Variants in RAB15 observed in about 807,000 individuals in gnomAD.
RAB15 encodes the protein ras-related protein Rab-15.
In RAB15, 13 loss-of-function variants were observed where a neutral mutation model predicts 31.8. That is an observed-to-expected ratio of 0.41 (90% confidence interval 0.27 to 0.65). The LOEUF is 0.65. Ranked by LOEUF, RAB15 falls within the 30% of genes least tolerant of loss-of-function variation. The pLI is 0.32. For synonymous variants in RAB15, 100 were observed against 105.6 expected (o/e 0.95, Z 0.33); for missense variants, 220 against 277.3 (o/e 0.79, Z 1.47).
intron 1 of RAB15, among the ~76,000 whole-genome samples, chr14:64,957,574 A>C (rs986709075): frequency 6.6e-6 from 1 of 152,156 alleles, no homozygotes; most frequent in African/African-American, 2.4e-5. Context: ...ACCCAGGTGC[A>C]TAGTGCTTGT....
rs1886415505 is a variant in RAB15, at chr14:64,954,170, T to C, written c.125-1599A>G. On this transcript the variant is annotated intron_variant, in intron 1 of 6. Transcript: ENST00000533601. This position sits in a 1 kb window ranked among gnomAD's most constrained non-coding sequence, Gnocchi z 4.3. ...GCCTGCCCAAGCTGATTCATATCCATTGAGCTGTACTTTTCCAAATGGGCA... is the reference window on the plus strand; with the variant it reads ...GCCTGCCCAAGCTGATTCATATCCACTGAGCTGTACTTTTCCAAATGGGCA... The C allele has an allele frequency of 3.0e-6, 3 of 985,444 alleles. No homozygotes were observed. 61.0% of individuals were successfully genotyped at this position (985,444 alleles called of 1,614,324 possible).
chr14:64,972,157 C>T lies in RAB15; in HGVS notation c.-81G>A, dbSNP rs566579238. The stretch of plus-strand genomic sequence containing the variant: ...CGCCGCTGCCATCGCGGCCCGCGCC[C>T]GCCCGGGGACGCTGCGGGCGGCGAG... On this transcript the variant is annotated 5_prime_UTR_variant, in exon 1 of 7. Transcript: ENST00000533601. This position sits in a 1 kb window ranked among gnomAD's most constrained non-coding sequence, Gnocchi z 6.3. The T allele has an allele frequency of 1.2e-3, 1,414 of 1,165,926 alleles. 39 individuals carry two copies. In the East Asian group the frequency reaches 0.048, roughly 39 times the overall value. The allele number at this position is 1,165,926 out of a possible 1,614,324, so 72.2% of individuals were successfully genotyped here. A position where few individuals can be genotyped will look rare whatever the true frequency, so the allele number is the denominator to read the frequency against.
In RAB15 at chr14:64,950,489, G is replaced by A; in HGVS notation, c.325-75C>T. On this transcript the variant is annotated intron_variant, in intron 4 of 6. Transcript: ENST00000533601. This position sits in a 1 kb window ranked among gnomAD's most constrained non-coding sequence, Gnocchi z 5.6. ...CAATTTTCCCTACAGAGTCTGCACTGCCTCCAGCCCACCACCAATTCCAGA... is the reference window on the plus strand; with the variant it reads ...CAATTTTCCCTACAGAGTCTGCACTACCTCCAGCCCACCACCAATTCCAGA... 1.7e-6 allele frequency: 2 copies of A among 1,210,710 alleles called. No homozygotes were observed. Among genetic ancestry groups the A allele is most frequent in the Middle Eastern group, 2.4e-4 (1 of 4,222 alleles). The allele number at this position is 1,210,710 out of a possible 1,614,324, so 75.0% of individuals were successfully genotyped here. A position where few individuals can be genotyped will look rare whatever the true frequency, so the allele number is the denominator to read the frequency against.
intron 1 of RAB15, among the ~76,000 whole-genome samples, chr14:64,966,539 A>G (rs1199582228): frequency 1.3e-5 from 2 of 151,854 alleles, no homozygotes; most frequent in African/African-American, 2.4e-5. Context: ...AAATAAATAA[A>G]TAAATAAATA....
chr14:64,963,726 T>C (rs577241354), intron 1 of RAB15, among the ~76,000 whole-genome samples: 31 of 152,308 alleles, frequency 2.0e-4, no homozygotes, highest in African/African-American at 7.2e-4. Context: ...GGTGTGACCA[T>C]GGTGTGGCCA....
intron 1 of RAB15, among the ~76,000 whole-genome samples, chr14:64,966,060 C>T (rs766475752): frequency 1.1e-4 from 17 of 152,186 alleles, no homozygotes; most frequent in Non-Finnish European, 1.8e-4. Flanking sequence ...CCCACTGCTT[C>T]ACACCTCCTC....
At chr14:64,957,957 T>G (rs1268633522) in intron 1 of RAB15, 2 of 152,280 alleles carry the variant, frequency 1.3e-5, no homozygotes, top group Admixed American at 6.5e-5. Context: ...CTTTTCTCTT[T>G]TTTCTTGACG....
Position 64,953,862 on chromosome 14 carries a change from A to T in RAB15, c.125-1291T>A, listed in dbSNP as rs1886400540. On this transcript the variant is annotated intron_variant, in intron 1 of 6. Transcript: ENST00000533601. This position sits in a 1 kb window ranked among gnomAD's most constrained non-coding sequence, Gnocchi z 4.6. Reference sequence around the variant, plus strand: ...CAGTTTTCAGATGGGAACATGGTAGAGTTCCGAACCGTCTGCCACCAGCTG... The same window carrying T: ...CAGTTTTCAGATGGGAACATGGTAGTGTTCCGAACCGTCTGCCACCAGCTG... The T allele has an allele frequency of 2.0e-6, 2 of 985,386 alleles. No individual in the cohort carries two copies. The highest frequency in any genetic ancestry group is 9.4e-5 in the South Asian group (2 of 21,282). 61.0% of individuals were successfully genotyped at this position (985,386 alleles called of 1,614,324 possible).
In RAB15 at chr14:64,950,187, C is replaced by G. The variant is rs1886170433; in HGVS notation, c.414+138G>C. 1 of 747,050 alleles carries G rather than the reference C, an allele frequency of 1.3e-6. No homozygotes were observed. Among genetic ancestry groups the G allele is most frequent in the African/African-American group, 1.7e-5 (1 of 57,934 alleles). The allele number at this position is 747,050 out of a possible 1,614,324, so 46.3% of individuals were successfully genotyped here. A position where few individuals can be genotyped will look rare whatever the true frequency, so the allele number is the denominator to read the frequency against. On this transcript the variant is annotated intron_variant, in intron 5 of 6. Transcript: ENST00000533601. This position sits in a 1 kb window ranked among gnomAD's most constrained non-coding sequence, Gnocchi z 5.6. ...AACAAGCCTTCCGAGGATGGCCACT[C>G]CCCCAGGGCCTTGGGGTGCTGGGGA...
Position 64,954,525 on chromosome 14 carries a change from AAGGTT to A in RAB15, c.125-1959_125-1955del. The stretch of plus-strand genomic sequence containing the variant: ...CATCACAAGGGGGACAGGAAGAGAG[AAGGTT>A]TTATTTCCTTTATCCCACAAACATT... On this transcript the variant is annotated intron_variant, in intron 1 of 6. Transcript: ENST00000533601. The surrounding 1 kb of genome is among the most constrained non-coding windows in gnomAD (Gnocchi z 4.3). 1 of 985,404 alleles carries A rather than the reference AAGGTT, an allele frequency of 1.0e-6. No individual in the cohort carries two copies. Among genetic ancestry groups the A allele is most frequent in the Non-Finnish European group, 1.2e-6 (1 of 829,900 alleles). 61.0% of individuals were successfully genotyped at this position (985,404 alleles called of 1,614,324 possible). A position where few individuals can be genotyped will look rare whatever the true frequency, so the allele number is the denominator to read the frequency against.
Position 64,948,245 on chromosome 14 carries a change from T to C in RAB15, c.*109A>G. 2.5e-6 allele frequency: 3 copies of C among 1,198,530 alleles called. No individual in the cohort carries two copies. The highest frequency in any genetic ancestry group is 3.4e-6 in the Non-Finnish European group (3 of 891,040). 74.2% of individuals were successfully genotyped at this position (1,198,530 alleles called of 1,614,324 possible). ...GGGAGTAGTGGCTACTGATACTCAA[T>C]AGGGTCATCACACGAGAGGACAGCA... On this transcript the variant is annotated 3_prime_UTR_variant, in exon 7 of 7. Transcript: ENST00000533601. This position sits in a 1 kb window ranked among gnomAD's most constrained non-coding sequence, Gnocchi z 7.0.
chr14:64,951,641 A>G lies in RAB15; in HGVS notation c.208T>C (p.Tyr70His). The G allele has an allele frequency of 6.2e-7, 1 of 1,614,192 alleles. No homozygotes were observed. The highest frequency in any genetic ancestry group is 8.5e-7 in the Non-Finnish European group (1 of 1,180,018). ...TAGTACTGCTTTGTGATGGTCTGGT[A>G]TCTCTCCTGCCCTGCAGTGTCCCTG... ...QIWDTAGQERYQTITKQYYRR... is the reference protein window; with the variant it reads ...QIWDTAGQERHQTITKQYYRR... The change falls in exon 3 of 7, where the codon TAC becomes CAC. Residue 70 changes from tyrosine to histidine, a missense_variant. Tyr to His is a moderately conservative substitution (Grantham distance 83). Transcript: ENST00000533601. This position sits in a 1 kb window ranked among gnomAD's most constrained non-coding sequence, Gnocchi z 7.2.
chr14:64,952,494 C>T lies in RAB15; in HGVS notation c.185+17G>A, dbSNP rs377189248. The T allele has an allele frequency of 2.6e-5, 41 of 1,605,446 alleles. No homozygotes were observed. Among genetic ancestry groups the T allele is most frequent in the Middle Eastern group, 1.6e-4 (1 of 6,070 alleles). ...TCCTCTTCTCCTACATCTGCCTCCT[C>T]CTCCTCCCCAGCTCACCAGATCTGT... On this transcript the variant is annotated intron_variant, in intron 2 of 6. Coordinates refer to ENST00000533601, the MANE Select transcript of RAB15 (RefSeq NM_001308154.2). This position sits in a 1 kb window ranked among gnomAD's most constrained non-coding sequence, Gnocchi z 4.2.
Position 64,950,107 on chromosome 14 carries a change from G to C in RAB15, c.414+218C>G, listed in dbSNP as rs373247955. ...ACTTGGGAGAGTTGCTGCCTATGACGTCTTTGTTTCTGGATGGACCCCGAA... is the reference window on the plus strand; with the variant it reads ...ACTTGGGAGAGTTGCTGCCTATGACCTCTTTGTTTCTGGATGGACCCCGAA... On this transcript the variant is annotated intron_variant, in intron 5 of 6. Transcript: ENST00000533601. The surrounding 1 kb of genome is among the most constrained non-coding windows in gnomAD (Gnocchi z 5.6). Among the ~76,000 whole-genome samples, 143 of 152,286 alleles carry C rather than the reference G, an allele frequency of 9.4e-4. 2 individuals carry two copies. In the South Asian group the frequency reaches 0.029, roughly 31 times the overall value.
Position 64,971,969 on chromosome 14 carries a change from C to G in RAB15, c.108G>C (p.Ser36=). The G allele has an allele frequency of 6.3e-7, 1 of 1,587,194 alleles. No individual in the cohort carries two copies. The highest frequency in any genetic ancestry group is 8.6e-7 in the Non-Finnish European group (1 of 1,167,288). The part of the protein sequence containing the change: ...CRFTDNEFHS[S]HISTIGVDFK... ...GCCCCTTACCGATGGTGGAGATGTG[C>G]GAGGAGTGGAACTCGTTGTCGGTGA... Residue 36 remains serine (S), a synonymous_variant, in exon 1 of 7, where the codon TCG becomes TCC. Transcript: ENST00000533601. The surrounding 1 kb of genome is among the most constrained non-coding windows in gnomAD (Gnocchi z 4.1).
In RAB15 at chr14:64,954,006, T is replaced by G. The variant is rs1430833899; in HGVS notation, c.125-1435A>C. 1 of 985,316 alleles carries G rather than the reference T, an allele frequency of 1.0e-6. No individual in the cohort carries two copies. The highest frequency in any genetic ancestry group is 1.2e-6 in the Non-Finnish European group (1 of 829,942). The allele number at this position is 985,316 out of a possible 1,614,324, so 61.0% of individuals were successfully genotyped here. On this transcript the variant is annotated intron_variant, in intron 1 of 6. Coordinates refer to ENST00000533601, the MANE Select transcript of RAB15 (RefSeq NM_001308154.2). The surrounding 1 kb of genome is among the most constrained non-coding windows in gnomAD (Gnocchi z 4.3). ...TTCCCTTATCTGTGCTGTCCCCAGC[T>G]TTCTACAAAGGCAAACAAATTAAAT...
chr14:64,971,504 C>T lies in RAB15; in HGVS notation c.124+449G>A, dbSNP rs1304212752. On this transcript the variant is annotated intron_variant, in intron 1 of 6. Coordinates refer to ENST00000533601, the MANE Select transcript of RAB15 (RefSeq NM_001308154.2). This position sits in a 1 kb window ranked among gnomAD's most constrained non-coding sequence, Gnocchi z 4.1. ...GTCCTCTCTTCCCCCCCTCGCCCCC[C>T]GCCGGCTCCACCTTGGGTCACCACA... Among the ~76,000 whole-genome samples, 1 of 152,072 alleles carries T rather than the reference C, an allele frequency of 6.6e-6. No homozygotes were observed. Among genetic ancestry groups the T allele is most frequent in the African/African-American group, 2.4e-5 (1 of 41,408 alleles).
chr14:64,957,305 T>C (rs920744012), intron 1 of RAB15, among the ~76,000 whole-genome samples: 1 of 152,062 alleles, frequency 6.6e-6, no homozygotes, highest in Non-Finnish European at 1.5e-5. Flanking sequence ...AATTAAACGA[T>C]GTATGTGAAG....
Position 64,948,090 on chromosome 14 carries a change from C to T in RAB15, c.*264G>A, listed in dbSNP as rs904231437. ...GTGCGGGATGGTGAGACAGTGCTTG[C>T]GGCACATCGTGGGGGTCGTAGCAGG... On this transcript the variant is annotated 3_prime_UTR_variant, in exon 7 of 7. Coordinates refer to ENST00000533601, the MANE Select transcript of RAB15 (RefSeq NM_001308154.2). This position sits in a 1 kb window ranked among gnomAD's most constrained non-coding sequence, Gnocchi z 7.0. 26 of 409,144 alleles carry T rather than the reference C, an allele frequency of 6.4e-5. No homozygotes were observed. Among genetic ancestry groups the T allele is most frequent in the African/African-American group, 2.7e-4 (13 of 48,770 alleles). 25.3% of individuals were successfully genotyped at this position (409,144 alleles called of 1,614,324 possible).
Sources: gnomAD v4.1 joint callset for allele counts (sites outside exome capture counted in the v4.1 genomes callset) on GRCh38, gnomAD v4.1.1 for gene constraint, Gnocchi (gnomAD v3.1) non-coding constraint, MANE v1.5 for transcripts, NCBI Gene and HGNC (gene_info 2026-07-23, HGNC 2026-07-21) for gene names.